The following GPHN variants were observed in gnomAD, a reference collection of about 807,000 sequenced individuals.
GPHN encodes gephyrin.
A neutral mutation model predicts 95.5 loss-of-function variants in GPHN; 17 were observed. The ratio of observed to expected loss-of-function variants is 0.18; its 90% CI spans 0.12 to 0.27. The LOEUF is 0.27. Ranked by LOEUF, GPHN falls within the 10% of genes least tolerant of loss-of-function variation. The pLI is 1.00. For missense variants in GPHN, 660 were observed against 978.1 expected (o/e 0.67, Z 4.34); for synonymous variants, 320 against 322.5 (o/e 0.99, Z 0.08).
intron 1 of GPHN, among the ~76,000 whole-genome samples, chr14:66,653,803 G>A (rs2065174960): frequency 6.6e-6 from 1 of 152,166 alleles, no homozygotes; most frequent in African/African-American, 2.4e-5. Context: ...TGGTATGGAT[G>A]TGCCACAGTC....
the GPHN span, among the ~76,000 whole-genome samples, chr14:67,459,863 C>T: frequency 2.2e-4 from 34 of 152,352 alleles, no homozygotes; most frequent in Non-Finnish European, 4.3e-4. Context: ...AATGTGCTTG[C>T]TCATCCCCAA....
At chr14:67,451,221 C>T in the GPHN span, among the ~76,000 whole-genome samples, 4 of 152,168 alleles carry the variant, frequency 2.6e-5, no homozygotes, top group African/African-American at 4.8e-5. Context: ...TCTGCAGGGG[C>T]GGGGCCCTCA....
chr14:66,933,063 C>G (rs946640287), intron 8 of GPHN, among the ~76,000 whole-genome samples: 10 of 152,190 alleles, frequency 6.6e-5, no homozygotes, highest in East Asian at 3.9e-4. Context: ...ATTTAACAGT[C>G]CTTTGTAAAT....
At chr14:67,261,366 A>C in the GPHN span, among the ~76,000 whole-genome samples, 2 of 152,186 alleles carry the variant, frequency 1.3e-5, no homozygotes, top group Non-Finnish European at 2.9e-5. Flanking sequence ...TGGCATGAGA[A>C]GGGAGAAGCT....
intron 9 of GPHN, among the ~76,000 whole-genome samples, chr14:67,006,309 G>GTCTCACTGGC (rs2072605819): frequency 6.6e-6 from 1 of 151,844 alleles, no homozygotes; most frequent in Admixed American, 6.6e-5. Context: ...TCTGCCTCAG[G>GTCTCACTGGC]ATACCAAAAA....
the GPHN span, among the ~76,000 whole-genome samples, chr14:67,496,740 T>C: frequency 6.8e-6 from 1 of 146,040 alleles, no homozygotes; most frequent in East Asian, 2.0e-4. Flanking sequence ...CTCTCTCTCT[T>C]TCTTTCCTTC....
Position 66,837,889 on chromosome 14 carries a change from G to A in GPHN, c.294+13323G>A, listed in dbSNP as rs1260072168. Among the ~76,000 whole-genome samples the A allele has an allele frequency of 2.6e-5, 4 of 152,048 alleles. No individual in the cohort carries two copies. In the South Asian group the frequency reaches 8.3e-4, roughly 32 times the overall value. ...GTGCTCAGCTTTTATGGGGCCCTAT[G>A]GATACGAGAGATCATATGTTAAATA... is the stretch of plus-strand genomic sequence containing the variant. On this transcript the variant is annotated intron_variant, in intron 4 of 22. Transcript: ENST00000478722.
At chr14:66,997,634 T>A (rs2071909282) in intron 9 of GPHN, among the ~76,000 whole-genome samples, 1 of 152,162 alleles carries the variant, frequency 6.6e-6, no homozygotes, top group South Asian at 2.1e-4. Context: ...GATCTCAAAT[T>A]TTAAGAAAAA....
At chr14:67,427,234 T>C in the GPHN span, among the ~76,000 whole-genome samples, 1 of 152,134 alleles carries the variant, frequency 6.6e-6, no homozygotes, top group East Asian at 1.9e-4. Flanking sequence ...TAAAGCACTA[T>C]CCAAATGCCA....
At chr14:67,302,583 C>A in the GPHN span, 1 of 1,455,988 alleles carries the variant, frequency 6.9e-7, no homozygotes, top group Admixed American at 2.3e-5. Context: ...TAAGTTGACG[C>A]AGCTAGAAGA....
chr14:66,604,494 G>A (rs567644482), intron 1 of GPHN, among the ~76,000 whole-genome samples: 104 of 151,996 alleles, frequency 6.8e-4, no homozygotes, highest in Non-Finnish European at 1.1e-3. Flanking sequence ...TCCACTGACC[G>A]AAATATTTTT....
At chr14:67,699,943 C>T in the GPHN span, among the ~76,000 whole-genome samples, 1 of 151,922 alleles carries the variant, frequency 6.6e-6, no homozygotes, top group South Asian at 2.1e-4. Context: ...ACATCGAGAC[C>T]ATCCTGGCCA....
chr14:67,033,318 C>G (rs555365376), intron 10 of GPHN, among the ~76,000 whole-genome samples: 18 of 152,228 alleles, frequency 1.2e-4, no homozygotes, highest in African/African-American at 4.1e-4. Flanking sequence ...AATCCCAACA[C>G]TTTGGGAGGC....
chr14:67,504,257 G>A, the GPHN span, among the ~76,000 whole-genome samples: 110,547 of 151,778 alleles, frequency 0.73, 42,070 homozygotes, highest in Non-Finnish European at 0.85. Flanking sequence ...CAAGTGATGC[G>A]CTTACCTCAG....
intron 9 of GPHN, among the ~76,000 whole-genome samples, chr14:66,986,956 A>T (rs2071070357): frequency 6.6e-6 from 1 of 152,068 alleles, no homozygotes; most frequent in South Asian, 2.1e-4. Context: ...GTGTGTTTGT[A>T]TGTTTGTGTC....
the GPHN span, among the ~76,000 whole-genome samples, chr14:67,518,689 T>A: frequency 6.6e-6 from 1 of 152,230 alleles, no homozygotes; most frequent in South Asian, 2.1e-4. Flanking sequence ...ATAAAGGGTT[T>A]GCTCTTGTCC....
At chr14:66,596,510 C>T (rs2061979540) in intron 1 of GPHN, among the ~76,000 whole-genome samples, 1 of 152,232 alleles carries the variant, frequency 6.6e-6, no homozygotes, top group Non-Finnish European at 1.5e-5. Flanking sequence ...CTCCCATCCT[C>T]TTTGGTACCC....
the GPHN span, among the ~76,000 whole-genome samples, chr14:67,230,518 C>A: frequency 6.6e-6 from 1 of 151,990 alleles, no homozygotes; most frequent in African/African-American, 2.4e-5. Context: ...GCTGCAGTGA[C>A]CCATGATCAT....
chr14:67,361,709 T>C, the GPHN span, among the ~76,000 whole-genome samples: 2 of 152,236 alleles, frequency 1.3e-5, no homozygotes, highest in East Asian at 1.9e-4. Context: ...TTGGTTGATA[T>C]ATTTTGAAAG....
Sources: allele counts gnomAD v4.1 joint callset (sites outside exome capture counted in the v4.1 genomes callset), GRCh38; gene constraint gnomAD v4.1.1; transcripts MANE v1.5; gene names NCBI Gene and HGNC (gene_info 2026-07-23, HGNC 2026-07-21).